SPATC1: variants seen among roughly 807,000 people sequenced by gnomAD.
The protein encoded by SPATC1 is speriolin.
A neutral mutation model predicts 36.5 loss-of-function variants in SPATC1; 35 were observed. The ratio of observed to expected loss-of-function variants is 0.96; its 90% CI spans 0.73 to 1.27. SPATC1 has a LOEUF of 1.27. Ranked by LOEUF, SPATC1 falls within the 50% of genes most tolerant of loss-of-function variation. SPATC1 has a pLI of 0.00. For synonymous variants in SPATC1, 361 were observed against 353.6 expected (o/e 1.02, Z -0.24); for missense variants, 779 against 796.0 (o/e 0.98, Z 0.26).
chr8:144,034,755 G>A (rs1217953468), intron 1 of SPATC1, among the ~76,000 whole-genome samples: 1 of 152,000 alleles, frequency 6.6e-6, no homozygotes, highest in Non-Finnish European at 1.5e-5. Context: ...CCGAGTACCT[G>A]GGACTATAGG....
At position 144,045,325 on chromosome 8, in the gene SPATC1, G is replaced by C. The variant is rs139052483; in HGVS notation, c.1447-1302G>C. Among the ~76,000 whole-genome samples the C allele has an allele frequency of 6.6e-6, 1 of 152,352 alleles. No homozygotes were observed. Among genetic ancestry groups the C allele is most frequent in the Non-Finnish European group, 1.5e-5 (1 of 68,022 alleles). Reference sequence around the variant, plus strand: ...CCCAGGCACGTCCCAGGCAACAGGGGTGCTGAGCGCAGGCTCTGGGAGCAC... The same window carrying C: ...CCCAGGCACGTCCCAGGCAACAGGGCTGCTGAGCGCAGGCTCTGGGAGCAC... On this transcript the variant is annotated intron_variant, in intron 4 of 4. Coordinates refer to ENST00000377470, the MANE Select transcript of SPATC1 (RefSeq NM_198572.3). The surrounding 1 kb of genome is among the most constrained non-coding windows in gnomAD (Gnocchi z 5.2).
chr8:144,023,855 A>T (rs1421018688), intron 1 of SPATC1, among the ~76,000 whole-genome samples: 1 of 93,930 alleles, frequency 1.1e-5, no homozygotes, highest in African/African-American at 4.4e-5. Context: ...CCCTGAGGAC[A>T]CTCTCTCTTC....
chr8:144,022,656 G>T (rs1428553233), intron 1 of SPATC1, among the ~76,000 whole-genome samples: 3 of 144,420 alleles, frequency 2.1e-5, no homozygotes, highest in Admixed American at 6.9e-5. Context: ...TCTCCCCTCA[G>T]GACCTTCTCC....
At position 144,045,215 on chromosome 8, in the gene SPATC1, C is replaced by T. The variant is rs1327606486; in HGVS notation, c.1447-1412C>T. Among the ~76,000 whole-genome samples the T allele has an allele frequency of 6.6e-6, 1 of 152,190 alleles. No homozygotes were observed. The highest frequency in any genetic ancestry group is 2.4e-5 in the African/African-American group (1 of 41,432). The stretch of plus-strand genomic sequence containing the variant: ...TTGCGCTGAACCTCAATGGTGTCTT[C>T]CTGCCCCCCACAACTGTGCATATTA... On this transcript the variant is annotated intron_variant, in intron 4 of 4. Coordinates refer to ENST00000377470, the MANE Select transcript of SPATC1 (RefSeq NM_198572.3). The surrounding 1 kb of genome is among the most constrained non-coding windows in gnomAD (Gnocchi z 5.2).
In SPATC1 at chr8:144,040,412, C is replaced by A. The variant is rs782155945; in HGVS notation, c.715C>A (p.Pro239Thr). 6.2e-7 allele frequency: 1 copy of A among 1,609,964 alleles called. No homozygotes were observed. Among genetic ancestry groups the A allele is most frequent in the South Asian group, 1.1e-5 (1 of 90,790 alleles). ...LRLAEPLRGG[P>T]TGPQSPACVV... ...GCTGGCTGAGCCACTCCGCGGAGGCCCCACTGGGCCCCAGTCCCCAGCTTG... is the reference window on the plus strand; with the variant it reads ...GCTGGCTGAGCCACTCCGCGGAGGCACCACTGGGCCCCAGTCCCCAGCTTG... The change falls in exon 2 of 5, where the codon CCC becomes ACC. Residue 239 changes from proline to threonine, a missense_variant. Coordinates refer to ENST00000377470, the MANE Select transcript of SPATC1 (RefSeq NM_198572.3).
At chr8:144,035,173 G>A (rs1438917739) in intron 1 of SPATC1, among the ~76,000 whole-genome samples, 1 of 152,176 alleles carries the variant, frequency 6.6e-6, no homozygotes, top group African/African-American at 2.4e-5. Flanking sequence ...GCTCTCACAG[G>A]CCCTCCTCCC....
intron 3 of SPATC1, 55 bp downstream of exon 3, chr8:144,041,162 G>T (rs1483232934): frequency 3.1e-6 from 5 of 1,593,974 alleles, no homozygotes; most frequent in Non-Finnish European, 3.4e-6. Flanking sequence ...TCTCCCTGCC[G>T]CCTGCCTGGG....
chr8:144,044,304 A>ATT (rs72275831), intron 4 of SPATC1, among the ~76,000 whole-genome samples: 1 of 141,684 alleles, frequency 7.1e-6, no homozygotes, highest in Non-Finnish European at 1.5e-5. Flanking sequence ...CCTTGAAGGA[A>ATT]TTTTTTTTTT....
chr8:144,044,793 A>G (rs1835214819), intron 4 of SPATC1, among the ~76,000 whole-genome samples: 1 of 152,016 alleles, frequency 6.6e-6, no homozygotes, highest in South Asian at 2.1e-4. Context: ...CTAAAAATAC[A>G]AAAACATTAG....
Position 144,034,661 on chromosome 8 carries a change from C to T in SPATC1, c.212-5248C>T, listed in dbSNP as rs950413456. On this transcript the variant is annotated intron_variant, in intron 1 of 4. Coordinates refer to ENST00000377470, the MANE Select transcript of SPATC1 (RefSeq NM_198572.3). ...ATTTTTAGACGGAGCCTCACTCTGT[C>T]ACCAGGCTGGAGTGGAATGCCACAC... 8.5e-5 allele frequency among the ~76,000 whole-genome samples: 13 copies of T among 152,160 alleles called. No individual in the cohort carries two copies. In the East Asian group the frequency reaches 2.3e-3, roughly 27 times the overall value.
At chr8:144,039,791 C>A (rs1319904941) in intron 1 of SPATC1, 118 bp from the exon 2 acceptor site, 5 of 1,109,242 alleles carry the variant, frequency 4.5e-6, no homozygotes, top group Admixed American at 2.3e-5. Flanking sequence ...CCAGTCAGCT[C>A]ATCGGGGACA....
At chr8:144,020,366 G>A (rs1834483983) in intron 1 of SPATC1, among the ~76,000 whole-genome samples, 1 of 148,786 alleles carries the variant, frequency 6.7e-6, no homozygotes, top group Non-Finnish European at 1.5e-5. Flanking sequence ...TTCCCCCGAG[G>A]ACTACCTTCC....
In SPATC1 at chr8:144,046,576, G is replaced by A; in HGVS notation, c.1447-51G>A. 1 of 1,528,834 alleles carries A rather than the reference G, an allele frequency of 6.5e-7. No homozygotes were observed. Among genetic ancestry groups the A allele is most frequent in the Non-Finnish European group, 8.9e-7 (1 of 1,126,676 alleles). 94.7% of individuals were successfully genotyped at this position (1,528,834 alleles called of 1,614,324 possible). On this transcript the variant is annotated intron_variant, in intron 4 of 4. Transcript: ENST00000377470. This position sits in a 1 kb window ranked among gnomAD's most constrained non-coding sequence, Gnocchi z 6.6. ...CCCTCGGTCTTCCCCTTACCTGCCT[G>A]TGTGTGGAGGTGTGGCAAGGGAGGG...
chr8:144,040,068 TG>T lies in SPATC1; in HGVS notation c.372del (p.Leu125CysfsTer17). On this transcript the variant is annotated frameshift_variant, in exon 2 of 5. Transcript: ENST00000377470. LOFTEE classifies it high-confidence loss of function. Reference sequence around the variant, plus strand: ...CCCCTGACAGGCACCCTCAGCACGCTGCTGTCTGGCCCAGCACCCACGTCAC... The same window carrying T: ...CCCCTGACAGGCACCCTCAGCACGCTCTGTCTGGCCCAGCACCCACGTCAC... ...MSPLTGTLST[L>X]LSGPAPTSQS... The T allele has an allele frequency of 1.2e-6, 2 of 1,613,082 alleles. No individual in the cohort carries two copies. Among genetic ancestry groups the T allele is most frequent in the Non-Finnish European group, 1.7e-6 (2 of 1,179,940 alleles).
chr8:144,028,548 A>AAAC (rs1834730295), intron 1 of SPATC1, among the ~76,000 whole-genome samples: 1 of 152,208 alleles, frequency 6.6e-6, no homozygotes, highest in Non-Finnish European at 1.5e-5. Context: ...AAAAGTCAAG[A>AAAC]AACAACAGAT....
At position 144,046,481 on chromosome 8, in the gene SPATC1, C is replaced by G; in HGVS notation, c.1447-146C>G. ...CCACTGGGTTCCCCTGTCCTAGATT[C>G]TTGAGGTCTGTCGCAGAACCTCCCC... On this transcript the variant is annotated intron_variant, in intron 4 of 4. Coordinates refer to ENST00000377470, the MANE Select transcript of SPATC1 (RefSeq NM_198572.3). This position sits in a 1 kb window ranked among gnomAD's most constrained non-coding sequence, Gnocchi z 6.6. 1 of 736,088 alleles carries G rather than the reference C, an allele frequency of 1.4e-6. No homozygotes were observed. The highest frequency in any genetic ancestry group is 1.8e-5 in the South Asian group (1 of 54,594). The allele number at this position is 736,088 out of a possible 1,614,324, so 45.6% of individuals were successfully genotyped here. A position where few individuals can be genotyped will look rare whatever the true frequency, so the allele number is the denominator to read the frequency against.
At chr8:144,023,013 AC>A (rs1834573089) in intron 1 of SPATC1, among the ~76,000 whole-genome samples, 2 of 140,384 alleles carry the variant, frequency 1.4e-5, no homozygotes. Flanking sequence ...TTCCCTCAAG[AC>A]CCTCTTCCCT....
chr8:144,024,106 C>T (rs944143326), intron 1 of SPATC1, among the ~76,000 whole-genome samples: 1 of 151,160 alleles, frequency 6.6e-6, no homozygotes, highest in South Asian at 2.1e-4. Context: ...GGAGCCTCTC[C>T]CCTCCGGACC....
At chr8:144,024,821 T>TCC (rs1834641525) in intron 1 of SPATC1, among the ~76,000 whole-genome samples, 1 of 150,562 alleles carries the variant, frequency 6.6e-6, no homozygotes, top group African/African-American at 2.5e-5. Flanking sequence ...GAGGACCCTC[T>TCC]TCCCTCAGGA....
Sources: allele counts gnomAD v4.1 joint callset (sites outside exome capture counted in the v4.1 genomes callset), GRCh38; gene constraint gnomAD v4.1.1; non-coding constraint Gnocchi (gnomAD v3.1); transcripts MANE v1.5; gene names NCBI Gene and HGNC (gene_info 2026-07-23, HGNC 2026-07-21).